LYPLAL1: variants seen among roughly 807,000 people sequenced by gnomAD.
The protein encoded by LYPLAL1 is lysophospholipase-like protein 1.
Under a neutral mutation model 19.7 loss-of-function variants are expected in LYPLAL1, and 23 were observed. That is an observed-to-expected ratio of 1.17 (90% confidence interval 0.84 to 1.65). The LOEUF is 1.65. Among genes scored for constraint, LYPLAL1 ranks in the 40% most tolerant of loss-of-function variants. The pLI, the probability that LYPLAL1 is intolerant of heterozygous loss-of-function variation, is 0.00. For synonymous variants in LYPLAL1, 119 were observed against 96.3 expected, an observed-to-expected ratio of 1.24 and a Z score of -1.38; for missense variants, 355 against 279.4, an observed-to-expected ratio of 1.27 and a Z score of -1.93.
At chr1:219,218,567 A>G in the LYPLAL1 span, among the ~76,000 whole-genome samples, 7 of 151,824 alleles carry the variant, frequency 4.6e-5, no homozygotes, top group African/African-American at 1.2e-4. Flanking sequence ...GCCCAAGACA[A>G]TCTTCTTCCA....
the LYPLAL1 span, among the ~76,000 whole-genome samples, chr1:219,286,315 A>G: frequency 6.6e-6 from 1 of 152,202 alleles, no homozygotes; most frequent in Non-Finnish European, 1.5e-5. Context: ...ATATTAAACA[A>G]CAAGCACAAT....
At chr1:219,236,715 A>G in the LYPLAL1 span, among the ~76,000 whole-genome samples, 15 of 152,216 alleles carry the variant, frequency 9.9e-5, no homozygotes, top group African/African-American at 3.6e-4. Context: ...ATGAATTTTA[A>G]AAACAGTGAA....
chr1:219,420,337 TA>T, the LYPLAL1 span, among the ~76,000 whole-genome samples: 1 of 152,254 alleles, frequency 6.6e-6, no homozygotes, highest in Non-Finnish European at 1.5e-5. Context: ...GCCAAGGTTA[TA>T]ATTTAAATAT....
At chr1:219,279,627 A>G in the LYPLAL1 span, among the ~76,000 whole-genome samples, 6 of 152,192 alleles carry the variant, frequency 3.9e-5, no homozygotes, top group Non-Finnish European at 7.3e-5. Flanking sequence ...CTGCTATCCA[A>G]GTTCAGATCT....
At chr1:219,342,159 A>C in the LYPLAL1 span, among the ~76,000 whole-genome samples, 25 of 152,222 alleles carry the variant, frequency 1.6e-4, no homozygotes, top group African/African-American at 4.3e-4. Flanking sequence ...TTTCAAACTT[A>C]CATTGACCCA....
chr1:219,433,233 G>A, the LYPLAL1 span, among the ~76,000 whole-genome samples: 13 of 152,148 alleles, frequency 8.5e-5, no homozygotes, highest in African/African-American at 2.9e-4. Context: ...GGGAGGACTG[G>A]TTTGGTCCAA....
chr1:219,267,796 A>G, the LYPLAL1 span, among the ~76,000 whole-genome samples: 1 of 152,176 alleles, frequency 6.6e-6, no homozygotes, highest in African/African-American at 2.4e-5. Context: ...TGACTCCAAA[A>G]TCATGTTCTT....
At chr1:219,379,274 G>A in the LYPLAL1 span, among the ~76,000 whole-genome samples, 22 of 152,106 alleles carry the variant, frequency 1.4e-4, no homozygotes, top group African/African-American at 4.6e-4. Context: ...AGGATACAAA[G>A]GCATAACCCA....
At chr1:219,258,863 A>G in the LYPLAL1 span, among the ~76,000 whole-genome samples, 1 of 152,200 alleles carries the variant, frequency 6.6e-6, no homozygotes, top group Admixed American at 6.6e-5. Flanking sequence ...ATATTCATAA[A>G]CTATGTATCC....
the LYPLAL1 span, among the ~76,000 whole-genome samples, chr1:219,340,414 C>T: frequency 6.6e-6 from 1 of 152,028 alleles, no homozygotes; most frequent in Non-Finnish European, 1.5e-5. Flanking sequence ...ATTGTCCTAA[C>T]TGTTCATATC....
the LYPLAL1 span, among the ~76,000 whole-genome samples, chr1:219,280,281 G>GTATTTATATAACC: frequency 6.6e-6 from 1 of 152,098 alleles, no homozygotes; most frequent in South Asian, 2.1e-4. Flanking sequence ...ATTATATAAA[G>GTATTTATATAACC]TTTTTTGATG....
chr1:219,382,023 T>C, the LYPLAL1 span, among the ~76,000 whole-genome samples: 3 of 152,342 alleles, frequency 2.0e-5, no homozygotes, highest in African/African-American at 7.2e-5. Flanking sequence ...AATGGATGTT[T>C]AGATGATCTT....
the LYPLAL1 span, among the ~76,000 whole-genome samples, chr1:219,287,032 A>C: frequency 6.6e-6 from 1 of 152,318 alleles, no homozygotes; most frequent in East Asian, 1.9e-4. Context: ...TGGAGTAACA[A>C]TAACACATCT....
At chr1:219,319,180 A>C in the LYPLAL1 span, among the ~76,000 whole-genome samples, 7 of 152,296 alleles carry the variant, frequency 4.6e-5, no homozygotes, top group East Asian at 1.2e-3. Context: ...GGAGAAAGGA[A>C]GAGATGGTAG....
chr1:219,438,788 A>G, the LYPLAL1 span, among the ~76,000 whole-genome samples: 1 of 152,244 alleles, frequency 6.6e-6, no homozygotes, highest in Non-Finnish European at 1.5e-5. Context: ...TAAATAATTC[A>G]GAGGAGAAAA....
At chr1:219,294,834 G>T in the LYPLAL1 span, among the ~76,000 whole-genome samples, 1 of 152,354 alleles carries the variant, frequency 6.6e-6, no homozygotes, top group Non-Finnish European at 1.5e-5. Context: ...AGAGAGGGAA[G>T]TTGAACTGCA....
chr1:219,339,216 AC>A, the LYPLAL1 span, among the ~76,000 whole-genome samples: 1 of 151,938 alleles, frequency 6.6e-6, no homozygotes, highest in South Asian at 2.1e-4. Context: ...GTCCCAAAAA[AC>A]AAAAGTCTAG....
At chr1:219,232,124 C>T in the LYPLAL1 span, among the ~76,000 whole-genome samples, 10 of 152,064 alleles carry the variant, frequency 6.6e-5, no homozygotes, top group Non-Finnish European at 7.4e-5. Context: ...AGCTTTCATA[C>T]TGTGTTTGTT....
chr1:219,429,327 G>A, the LYPLAL1 span, among the ~76,000 whole-genome samples: 1 of 152,072 alleles, frequency 6.6e-6, no homozygotes, highest in East Asian at 1.9e-4. Flanking sequence ...ACCTCTCCTT[G>A]GACCATCACT....
Sources: gnomAD v4.1 joint callset for allele counts (sites outside exome capture counted in the v4.1 genomes callset) on GRCh38, gnomAD v4.1.1 for gene constraint, MANE v1.5 for transcripts, NCBI Gene and HGNC (gene_info 2026-07-23, HGNC 2026-07-21) for gene names.